DGKH: variants seen among roughly 807,000 people sequenced by gnomAD.
DGKH encodes the protein diacylglycerol kinase eta.
A neutral mutation model predicts 159.3 loss-of-function variants in DGKH; 90 were observed. The ratio of observed to expected loss-of-function variants is 0.57; its 90% CI spans 0.48 to 0.67. The LOEUF is 0.67. Ranked by LOEUF, DGKH falls within the 30% of genes least tolerant of loss-of-function variation. DGKH has a pLI of 0.00. For missense variants in DGKH, 1,181 were observed against 1,506.1 expected (o/e 0.78, Z 3.57); for synonymous variants, 536 against 553.8 (o/e 0.97, Z 0.45).
At chr13:42,181,203 G>A (rs955497192) in intron 13 of DGKH, among the ~76,000 whole-genome samples, 2 of 150,732 alleles carry the variant, frequency 1.3e-5, no homozygotes, top group Admixed American at 1.3e-4. Context: ...CGTGAACCCG[G>A]GAGGCGGAGC....
intron 1 of DGKH, among the ~76,000 whole-genome samples, chr13:42,050,375 T>C (rs545923515): frequency 6.6e-6 from 1 of 152,212 alleles, no homozygotes; most frequent in South Asian, 2.1e-4. Context: ...AGTGGATTAA[T>C]GTTTGTAGTA....
intron 18 of DGKH, among the ~76,000 whole-genome samples, chr13:42,199,017 A>G (rs1468235799): frequency 1.3e-5 from 2 of 152,136 alleles, no homozygotes; most frequent in African/African-American, 4.8e-5. Flanking sequence ...GCATTTCAAG[A>G]TATACTTTCT....
At position 42,207,137 on chromosome 13, in the gene DGKH, CCTTCCTTCCTTCCTTCCT is replaced by C. The variant is rs1957522162; in HGVS notation, c.2601+992_2601+1009del. ...TCTCTTTCTCTCTCCTTCCTTCCTT[CCTTCCTTCCTTCCTTCCT>C]TCCTTCCTTCCTTCCTTCCTTCCTT... On this transcript the variant is annotated intron_variant, in intron 21 of 29. Coordinates refer to ENST00000337343, the MANE Select transcript of DGKH (RefSeq NM_178009.5). 1.5e-3 allele frequency among the ~76,000 whole-genome samples: 50 copies of C among 33,932 alleles called. 2 individuals are homozygous for C. Among genetic ancestry groups the C allele is most frequent in the Non-Finnish European group, 2.4e-3 (40 of 16,542 alleles). 22.3% of individuals were successfully genotyped at this position (33,932 alleles called of 152,430 possible). A position where few individuals can be genotyped will look rare whatever the true frequency, so the allele number is the denominator to read the frequency against.
At position 42,088,632 on chromosome 13, in the gene DGKH, G is replaced by C. The variant is rs114538625; in HGVS notation, c.193-38831G>C. ...TAAAAAATAGAAACACTAAAAAAAA[G>C]AGCATGAGTAATAAGCCAAAAATGT... On this transcript the variant is annotated intron_variant, in intron 1 of 29. Coordinates refer to ENST00000337343, the MANE Select transcript of DGKH (RefSeq NM_178009.5). Among the ~76,000 whole-genome samples, 1,245 of 152,068 alleles carry C rather than the reference G, an allele frequency of 8.2e-3. 21 individuals are homozygous for C. Among genetic ancestry groups the C allele is most frequent in the African/African-American group, 0.029 (1,198 of 41,504 alleles).
chr13:42,152,502 C>CAT (rs953691137), intron 3 of DGKH, among the ~76,000 whole-genome samples: 24 of 148,706 alleles, frequency 1.6e-4, no homozygotes, highest in East Asian at 5.9e-4. Context: ...CACACACAAA[C>CAT]ATATATATAT....
Position 42,219,717 on chromosome 13 carries a change from A to C in DGKH, c.3365A>C (p.Asn1122Thr), listed in dbSNP as rs768154517. 2.5e-6 allele frequency: 4 copies of C among 1,613,736 alleles called. No individual in the cohort carries two copies. In the Admixed American group the frequency reaches 6.7e-5, roughly 27 times the overall value. The change falls in exon 28 of 30, where the codon AAC becomes ACC. Residue 1122 changes from asparagine to threonine, a missense_variant. Coordinates refer to ENST00000337343, the MANE Select transcript of DGKH (RefSeq NM_178009.5). ...EPPMDCTKRN[N>T]RSTVFRIVPK... ...CCTATGGATTGCACCAAAAGGAACA[A>C]CAGAAGCACCGTATTTCGAATAGTG...
chr13:42,040,519 G>T lies in DGKH; in HGVS notation c.-13+393G>T, dbSNP rs561209157. Among the ~76,000 whole-genome samples the T allele has an allele frequency of 2.4e-3, 366 of 151,458 alleles. 4 individuals carry two copies. Among genetic ancestry groups the T allele is most frequent in the Non-Finnish European group, 1.9e-3 (131 of 67,716 alleles). ...GAGGGGCGGCGGGGGGGAGGGGCGG[G>T]TAGCGGGGAGGAAAAGGGGAGGGCG... On this transcript the variant is annotated intron_variant, in intron 1 of 29. Transcript: ENST00000379274.
At chr13:42,206,231 A>G (rs17063019) in intron 21 of DGKH, 85 bp downstream of exon 21, 3 of 767,676 alleles carry the variant, frequency 3.9e-6, no homozygotes, top group Non-Finnish European at 1.9e-6. Flanking sequence ...GCTGTTGAAT[A>G]GTAGTTTAAT....
At chr13:42,203,044 A>G (rs1957384545) in intron 20 of DGKH, among the ~76,000 whole-genome samples, 1 of 152,210 alleles carries the variant, frequency 6.6e-6, no homozygotes, top group Non-Finnish European at 1.5e-5. Context: ...TAGTTGTTTA[A>G]TTCACATTTT....
At chr13:42,173,917 GATAAA>G (rs1452497609) in intron 11 of DGKH, 138 bp from the exon 12 acceptor site, 16 of 479,574 alleles carry the variant, frequency 3.3e-5, no homozygotes, top group East Asian at 9.9e-5. Context: ...GTTGTTTTAA[GATAAA>G]ATAAACCATA....
Position 42,152,996 on chromosome 13 carries a change from C to A in DGKH, c.385-2295C>A, listed in dbSNP as rs534194482. Reference sequence around the variant, plus strand: ...GTTGCTGTCCGTGGACAAATCTAATCAGTAGATTTCTTAATCACAAGGCCT... The same window carrying A: ...GTTGCTGTCCGTGGACAAATCTAATAAGTAGATTTCTTAATCACAAGGCCT... On this transcript the variant is annotated intron_variant, in intron 3 of 29. Coordinates refer to ENST00000337343, the MANE Select transcript of DGKH (RefSeq NM_178009.5). 3.3e-5 allele frequency among the ~76,000 whole-genome samples: 5 copies of A among 152,256 alleles called. No individual in the cohort carries two copies. In the South Asian group the frequency reaches 1.0e-3, roughly 32 times the overall value.
At chr13:42,105,304 G>A (rs534573105) in intron 1 of DGKH, among the ~76,000 whole-genome samples, 1 of 151,992 alleles carries the variant, frequency 6.6e-6, no homozygotes, top group Admixed American at 6.6e-5. Context: ...GGTTAAACTC[G>A]TCCTTTTACA....
At chr13:42,181,725 G>T in intron 13 of DGKH, 2 of 755,584 alleles carry the variant, frequency 2.6e-6, no homozygotes, top group Non-Finnish European at 3.9e-6. Flanking sequence ...AGGGCCCACA[G>T]CCACGCCAGC....
chr13:42,255,857 A>G (rs778049966), intron 30 of DGKH: 4 of 925,680 alleles, frequency 4.3e-6, no homozygotes, highest in East Asian at 2.6e-5. Context: ...TTTATCTTCA[A>G]AAAAGAGACT....
intron 17 of DGKH, among the ~76,000 whole-genome samples, chr13:42,196,113 C>T (rs968796609): frequency 6.6e-6 from 1 of 152,130 alleles, no homozygotes. Context: ...CCCCTTTATG[C>T]CACTAGGTTG....
chr13:42,139,176 C>T (rs983579544), intron 3 of DGKH, among the ~76,000 whole-genome samples: 1 of 152,120 alleles, frequency 6.6e-6, no homozygotes, highest in Admixed American at 6.6e-5. Context: ...TGTAGCTAGA[C>T]GAAAATCTTG....
intron 7 of DGKH, among the ~76,000 whole-genome samples, chr13:42,161,791 A>C (rs1331110570): frequency 6.6e-6 from 1 of 151,850 alleles, no homozygotes; most frequent in Non-Finnish European, 1.5e-5. Flanking sequence ...CAAAAAAAAA[A>C]AAAGAAAAGA....
upstream of DGKH, chr13:42,043,861 T>A (rs1441595659): frequency 6.6e-6 from 1 of 151,440 alleles, no homozygotes; most frequent in Non-Finnish European, 1.5e-5. Context: ...TGAGGCAGTG[T>A]CTCACTGTGT....
At chr13:42,041,317 C>T (rs769834142) in intron 1 of DGKH, among the ~76,000 whole-genome samples, 15 of 152,182 alleles carry the variant, frequency 9.9e-5, no homozygotes, top group Non-Finnish European at 1.9e-4. Flanking sequence ...AGACCGCGCC[C>T]TGGTCGTCAC....
Sources: allele counts gnomAD v4.1 joint callset (sites outside exome capture counted in the v4.1 genomes callset), GRCh38; gene constraint gnomAD v4.1.1; transcripts MANE v1.5; gene names NCBI Gene and HGNC (gene_info 2026-07-23, HGNC 2026-07-21).